The following NAALADL2 variants were observed in gnomAD, a reference collection of about 807,000 sequenced individuals.
NAALADL2 encodes N-acetylated alpha-linked acidic dipeptidase like 2.
A neutral mutation model predicts 87.2 loss-of-function variants in NAALADL2; 76 were observed. The observed-to-expected ratio is 0.87, with a 90% CI of 0.72 to 1.05. The LOEUF is 1.05. NAALADL2 is among the 50% of genes least tolerant of loss of function. The probability of loss-of-function intolerance (pLI) is 0.00; values close to 1 mark genes in which losing one functional copy is unlikely to be tolerated. For synonymous variants in NAALADL2, 354 were observed against 331.0 expected, an observed-to-expected ratio of 1.07 and a Z score of -0.75; for missense variants, 1,089 against 945.8, an observed-to-expected ratio of 1.15 and a Z score of -1.99.
In NAALADL2 at chr3:175,305,474, G is replaced by T. The variant is rs1757599635; in HGVS notation, c.940-18701G>T. 2.0e-5 allele frequency among the ~76,000 whole-genome samples: 3 copies of T among 151,386 alleles called. No individual in the cohort carries two copies. The South Asian group carries it at 6.3e-4, about 32-fold the overall frequency. On this transcript the variant is annotated intron_variant, in intron 4 of 13. Coordinates refer to ENST00000454872, the MANE Select transcript of NAALADL2 (RefSeq NM_207015.3). ...AAATACATGTTTACTTTGCCTTTAG[G>T]TTTGTTTAGTGCTTTCAGGTTTATG...
intron 9 of NAALADL2, among the ~76,000 whole-genome samples, chr3:175,504,565 TTC>T (rs200985901): frequency 0.022 from 3,002 of 134,076 alleles, 58 homozygotes; most frequent in Non-Finnish European, 0.032. Flanking sequence ...CTCTCTCTGT[TTC>T]TCTCTCTCTC....
chr3:174,998,335 G>T (rs946740745), intron 1 of NAALADL2, among the ~76,000 whole-genome samples: 1 of 152,252 alleles, frequency 6.6e-6, no homozygotes, highest in Admixed American at 6.5e-5. Context: ...CAGATATCTG[G>T]TTTTATTGTA....
At chr3:175,175,690 G>A (rs947177494) in intron 2 of NAALADL2, among the ~76,000 whole-genome samples, 2 of 151,994 alleles carry the variant, frequency 1.3e-5, no homozygotes, top group African/African-American at 4.8e-5. Flanking sequence ...ATCAACTTCA[G>A]TTTCAATAAT....
intron 9 of NAALADL2, among the ~76,000 whole-genome samples, chr3:175,500,291 T>C (rs1403050462): frequency 1.3e-5 from 2 of 152,108 alleles, no homozygotes; most frequent in African/African-American, 4.8e-5. Context: ...TACTTTTGGC[T>C]GGAGGAATCT....
At chr3:175,122,624 G>A (rs1220265297) in intron 2 of NAALADL2, among the ~76,000 whole-genome samples, 1 of 151,688 alleles carries the variant, frequency 6.6e-6, no homozygotes, top group Non-Finnish European at 1.5e-5. Context: ...GGGGTTTCCT[G>A]TTTAATGGGT....
At chr3:174,944,061 T>C (rs532628003) in intron 1 of NAALADL2, among the ~76,000 whole-genome samples, 1 of 152,214 alleles carries the variant, frequency 6.6e-6, no homozygotes, top group South Asian at 2.1e-4. Context: ...GCTGCTGCGG[T>C]ATGCTAGGCA....
Position 175,632,266 on chromosome 3 carries a change from TTCTCTCTCTC to T in NAALADL2, c.1896+4915_1896+4924del, listed in dbSNP as rs61458338. 9.2e-3 allele frequency among the ~76,000 whole-genome samples: 1,196 copies of T among 129,560 alleles called. 20 individuals carry two copies. The highest frequency in any genetic ancestry group is 0.029 in the African/African-American group (1,061 of 37,198). The allele number at this position is 129,560 out of a possible 152,430, so 85.0% of individuals were successfully genotyped here. On this transcript the variant is annotated intron_variant, in intron 11 of 13. Coordinates refer to ENST00000454872, the MANE Select transcript of NAALADL2 (RefSeq NM_207015.3). The stretch of plus-strand genomic sequence containing the variant: ...TTTAAAAGTGTGTGGCACTTTCCCC[TTCTCTCTCTC>T]TCTCTCTCTCTCTCTCTCTCTCTCT...
intron 2 of NAALADL2, among the ~76,000 whole-genome samples, chr3:174,559,730 C>T (rs1713344810): frequency 6.6e-6 from 1 of 152,134 alleles, no homozygotes; most frequent in African/African-American, 2.4e-5. Flanking sequence ...GGAAAGAAGG[C>T]AGGAGGGTCC....
At chr3:175,072,704 G>T (rs1449850698) in intron 1 of NAALADL2, among the ~76,000 whole-genome samples, 1 of 96,674 alleles carries the variant, frequency 1.0e-5, no homozygotes, top group Non-Finnish European at 1.9e-5. Flanking sequence ...GGGGGGAGGG[G>T]GGAGGGATAG....
chr3:174,577,190 TA>T (rs1715628523), intron 2 of NAALADL2, among the ~76,000 whole-genome samples: 1 of 152,122 alleles, frequency 6.6e-6, no homozygotes, highest in African/African-American at 2.4e-5. Flanking sequence ...ACAATCTGAA[TA>T]ATGGGACATT....
At chr3:175,295,104 A>G (rs1365482911) in intron 4 of NAALADL2, among the ~76,000 whole-genome samples, 1 of 152,180 alleles carries the variant, frequency 6.6e-6, no homozygotes, top group Non-Finnish European at 1.5e-5. Flanking sequence ...TATGGCACAG[A>G]ATGTGTCTAG....
At chr3:174,489,125 T>C (rs1264298718) in intron 1 of NAALADL2, among the ~76,000 whole-genome samples, 1 of 152,102 alleles carries the variant, frequency 6.6e-6, no homozygotes, top group African/African-American at 2.4e-5. Flanking sequence ...ATTATGATAA[T>C]ATGATATCTT....
At chr3:175,054,573 T>G (rs1403656904) in intron 1 of NAALADL2, among the ~76,000 whole-genome samples, 1 of 152,234 alleles carries the variant, frequency 6.6e-6, no homozygotes, top group Non-Finnish European at 1.5e-5. Context: ...GTTCACTAAC[T>G]AATCCTCTAA....
chr3:175,721,775 G>A (rs1401965516), intron 11 of NAALADL2, among the ~76,000 whole-genome samples: 1 of 152,044 alleles, frequency 6.6e-6, no homozygotes, highest in East Asian at 1.9e-4. Context: ...TGGGATGGGA[G>A]GTGGGGTAAC....
intron 10 of NAALADL2, among the ~76,000 whole-genome samples, chr3:175,625,051 C>A (rs1381461517): frequency 6.6e-6 from 1 of 151,824 alleles, no homozygotes; most frequent in Non-Finnish European, 1.5e-5. Context: ...ATATCTCTTC[C>A]AAGTCTAAAA....
At chr3:174,515,701 A>C (rs1038396849) in intron 1 of NAALADL2, among the ~76,000 whole-genome samples, 5 of 151,342 alleles carry the variant, frequency 3.3e-5, no homozygotes, top group African/African-American at 1.2e-4. Context: ...AAAAAAAAAA[A>C]CCCCTTAAAG....
intron 2 of NAALADL2, among the ~76,000 whole-genome samples, chr3:174,597,588 C>T (rs913475475): frequency 1.3e-5 from 2 of 152,214 alleles, no homozygotes; most frequent in Admixed American, 6.5e-5. Context: ...ATTTTCCTTT[C>T]GCATTTTCAT....
At chr3:175,497,169 G>A (rs1197939871) in intron 9 of NAALADL2, among the ~76,000 whole-genome samples, 1 of 152,022 alleles carries the variant, frequency 6.6e-6, no homozygotes, top group Non-Finnish European at 1.5e-5. Context: ...AAACTTCTGA[G>A]CTCAAGAGAT....
chr3:175,107,532 A>G (rs552012529), intron 2 of NAALADL2, among the ~76,000 whole-genome samples: 1 of 151,412 alleles, frequency 6.6e-6, no homozygotes, highest in Non-Finnish European at 1.5e-5. Context: ...ACACACACAC[A>G]CAAACACACA....
Sources: gnomAD v4.1 joint callset for allele counts (sites outside exome capture counted in the v4.1 genomes callset) on GRCh38, gnomAD v4.1.1 for gene constraint, MANE v1.5 for transcripts, NCBI Gene and HGNC (gene_info 2026-07-23, HGNC 2026-07-21) for gene names.